ICA1: variants seen among roughly 807,000 people sequenced by gnomAD.
The protein encoded by ICA1 is 69 kDa islet cell autoantigen.
ICA1 carries 40 observed loss-of-function variants against 71.0 expected under a neutral mutation model. That is an observed-to-expected ratio of 0.56 (90% CI 0.44 to 0.73). ICA1 has a LOEUF of 0.73. Among genes scored for constraint, ICA1 ranks in the 30% least tolerant of loss-of-function variants. ICA1 has a pLI of 0.00. For synonymous variants in ICA1, 207 were observed against 209.5 expected (o/e 0.99, Z 0.10); for missense variants, 578 against 576.5 (o/e 1.00, Z -0.03).
chr7:8,126,220 G>A (rs1163746025), intron 13 of ICA1, among the ~76,000 whole-genome samples: 1 of 152,200 alleles, frequency 6.6e-6, no homozygotes. Flanking sequence ...TCTGAGTGGG[G>A]TTCGTTCTGC....
At chr7:8,245,141 C>G (rs528732275) in intron 1 of ICA1, among the ~76,000 whole-genome samples, 166 of 152,192 alleles carry the variant, frequency 1.1e-3, no homozygotes, top group African/African-American at 3.9e-3. Context: ...TTCACAATAC[C>G]AACGACTTGG....
intron 13 of ICA1, among the ~76,000 whole-genome samples, chr7:8,120,310 C>A (rs987480896): frequency 6.6e-6 from 1 of 152,182 alleles, no homozygotes; most frequent in Non-Finnish European, 1.5e-5. Flanking sequence ...ATGACACCGA[C>A]TATTTATGGG....
At chr7:8,258,450 T>C (rs1737339029) in intron 1 of ICA1, among the ~76,000 whole-genome samples, 1 of 152,210 alleles carries the variant, frequency 6.6e-6, no homozygotes, top group South Asian at 2.1e-4. Context: ...TCTAGCTCAC[T>C]AGGTTTACAC....
intron 6 of ICA1, among the ~76,000 whole-genome samples, chr7:8,207,721 C>T (rs992392976): frequency 2.0e-5 from 3 of 152,198 alleles, no homozygotes; most frequent in Non-Finnish European, 4.4e-5. Flanking sequence ...ACATGCCAGC[C>T]TCCATTTCCT....
At chr7:8,190,236 G>A (rs908799360) in intron 6 of ICA1, among the ~76,000 whole-genome samples, 1 of 150,900 alleles carries the variant, frequency 6.6e-6, no homozygotes, top group African/African-American at 2.4e-5. Context: ...TTTTTCCGCA[G>A]TCAGATTAGG....
chr7:8,178,502 T>C (rs1344888386), intron 6 of ICA1, among the ~76,000 whole-genome samples: 2 of 152,038 alleles, frequency 1.3e-5, no homozygotes, highest in Non-Finnish European at 2.9e-5. Context: ...GAAATATACA[T>C]CATCTTGTGC....
chr7:8,257,765 C>G (rs1049366033), intron 1 of ICA1, among the ~76,000 whole-genome samples: 1 of 152,150 alleles, frequency 6.6e-6, no homozygotes, highest in Admixed American at 6.5e-5. Context: ...AACCATGCAA[C>G]GAATATTTAG....
intron 6 of ICA1, among the ~76,000 whole-genome samples, chr7:8,180,099 T>G (rs923269535): frequency 6.6e-6 from 1 of 152,032 alleles, no homozygotes; most frequent in Non-Finnish European, 1.5e-5. Context: ...CTTTTAAATA[T>G]GTATATACCC....
intron 6 of ICA1, among the ~76,000 whole-genome samples, chr7:8,179,997 CTTA>C (rs1001930105): frequency 9.2e-5 from 14 of 151,964 alleles, no homozygotes; most frequent in African/African-American, 3.4e-4. Context: ...TCTCAAACTC[CTTA>C]TTATCAGCTG....
chr7:8,195,348 C>A (rs529644674), intron 6 of ICA1, among the ~76,000 whole-genome samples: 2 of 152,254 alleles, frequency 1.3e-5, no homozygotes, highest in East Asian at 3.9e-4. Flanking sequence ...CGAGACCGGC[C>A]TGGCCATCAT....
Position 8,138,871 on chromosome 7 carries a change from A to C in ICA1, c.1029T>G (p.Asp343Glu). 4 of 1,606,510 alleles carry C rather than the reference A, an allele frequency of 2.5e-6. No individual in the cohort carries two copies. The change falls in exon 12 of 14, where the codon GAT becomes GAG. Residue 343 changes from aspartate (D) to glutamate (E), a missense_variant. Physicochemically the swap from Asp to Glu is conservative, Grantham distance 45. Transcript: ENST00000402384. ...STHTACSGPI[D>E]ELLDMKSEEG... ...CCTCAGATTTCATGTCTAATAGTTCATCTATGGGTCCTTTAGAGAAGAGGA... is the reference window on the plus strand; with the variant it reads ...CCTCAGATTTCATGTCTAATAGTTCCTCTATGGGTCCTTTAGAGAAGAGGA...
chr7:8,188,319 C>A (rs375434219), intron 6 of ICA1, among the ~76,000 whole-genome samples: 3 of 152,176 alleles, frequency 2.0e-5, no homozygotes, highest in African/African-American at 7.2e-5. Flanking sequence ...CTGAAAATCT[C>A]TCATCTTTTC....
chr7:8,205,941 G>C (rs906339055), intron 6 of ICA1, among the ~76,000 whole-genome samples: 1 of 152,190 alleles, frequency 6.6e-6, no homozygotes, highest in South Asian at 2.1e-4. Flanking sequence ...TCGAAGGCCT[G>C]GAGTTGGGTT....
intron 1 of ICA1, among the ~76,000 whole-genome samples, chr7:8,254,081 G>A (rs1809172338): frequency 6.6e-6 from 1 of 152,296 alleles, no homozygotes; most frequent in African/African-American, 2.4e-5. Flanking sequence ...AGTGAGGAGA[G>A]AATTTACACA....
intron 6 of ICA1, among the ~76,000 whole-genome samples, chr7:8,184,713 T>C (rs992126468): frequency 1.3e-5 from 2 of 152,176 alleles, no homozygotes; most frequent in South Asian, 2.1e-4. Context: ...ATAGAAAAGA[T>C]ATTGGAAGGA....
At chr7:8,168,486 A>T (rs1199010561) in intron 6 of ICA1, among the ~76,000 whole-genome samples, 2 of 152,138 alleles carry the variant, frequency 1.3e-5, no homozygotes, top group African/African-American at 4.8e-5. Flanking sequence ...AAACCATGGG[A>T]CACAGGGTCA....
At chr7:8,248,946 T>C (rs1807126643) in intron 1 of ICA1, among the ~76,000 whole-genome samples, 1 of 152,264 alleles carries the variant, frequency 6.6e-6, no homozygotes, top group South Asian at 2.1e-4. Context: ...CAGTCATTTT[T>C]CTTTCTTCAT....
intron 13 of ICA1, 89 bp from the exon 14 acceptor site, chr7:8,114,133 A>T (rs1263316425): frequency 5.0e-6 from 7 of 1,386,974 alleles, no homozygotes; most frequent in Non-Finnish European, 7.2e-6. Flanking sequence ...GGTCATCTTC[A>T]AATGCAGATT....
intron 6 of ICA1, among the ~76,000 whole-genome samples, chr7:8,187,936 T>C (rs1245855063): frequency 6.6e-6 from 1 of 152,166 alleles, no homozygotes; most frequent in Non-Finnish European, 1.5e-5. Flanking sequence ...ATTTTTCAGA[T>C]GAAGACACTG....
Sources: allele counts gnomAD v4.1 joint callset (sites outside exome capture counted in the v4.1 genomes callset), GRCh38; gene constraint gnomAD v4.1.1; transcripts MANE v1.5; gene names NCBI Gene and HGNC (gene_info 2026-07-23, HGNC 2026-07-21).